ARL15: variants seen among roughly 807,000 people sequenced by gnomAD.
The protein encoded by ARL15 is ARF like GTPase 15.
A neutral mutation model predicts 25.2 loss-of-function variants in ARL15; 19 were observed. The ratio of observed to expected loss-of-function variants is 0.75; its 90% confidence interval spans 0.53 to 1.10. The LOEUF is 1.10. Ranked by LOEUF, ARL15 falls within the 50% of genes least tolerant of loss-of-function variation. The pLI is 0.00. For missense variants in ARL15, 220 were observed against 246.0 expected, an observed-to-expected ratio of 0.89 and a Z score of 0.71; for synonymous variants, 94 against 86.8, an observed-to-expected ratio of 1.08 and a Z score of -0.46.
intron 4 of ARL15, among the ~76,000 whole-genome samples, chr5:53,937,753 C>T (rs1477734356): frequency 6.6e-6 from 1 of 151,502 alleles, no homozygotes; most frequent in African/African-American, 2.4e-5. Context: ...AATCACCTAA[C>T]TGTATCAAAA....
At chr5:53,964,087 C>T (rs1161263175) in intron 4 of ARL15, among the ~76,000 whole-genome samples, 2 of 152,054 alleles carry the variant, frequency 1.3e-5, no homozygotes, top group East Asian at 1.9e-4. Context: ...ATACTGAAGC[C>T]TTTTTCCCCA....
At chr5:54,055,972 A>G (rs937848540) in intron 4 of ARL15, among the ~76,000 whole-genome samples, 1 of 152,168 alleles carries the variant, frequency 6.6e-6, no homozygotes, top group Non-Finnish European at 1.5e-5. Context: ...TTGACCAACT[A>G]TATCTACTCA....
At chr5:54,258,022 A>G (rs1757409665) in intron 1 of ARL15, among the ~76,000 whole-genome samples, 1 of 152,096 alleles carries the variant, frequency 6.6e-6, no homozygotes, top group Admixed American at 6.5e-5. Flanking sequence ...CTGAGCTCAA[A>G]GCACTTTATA....
chr5:53,925,992 T>C (rs1455057383), intron 4 of ARL15, among the ~76,000 whole-genome samples: 1 of 107,928 alleles, frequency 9.3e-6, no homozygotes, highest in African/African-American at 3.7e-5. Flanking sequence ...TAGTCTTTTT[T>C]CTTTCTTTTT....
chr5:54,081,563 C>T (rs1751796514), intron 4 of ARL15, among the ~76,000 whole-genome samples: 1 of 152,082 alleles, frequency 6.6e-6, no homozygotes, highest in South Asian at 2.1e-4. Context: ...GTGGTTTCCC[C>T]CATGCTCTTC....
chr5:54,035,259 G>A (rs1750133191), intron 4 of ARL15, among the ~76,000 whole-genome samples: 1 of 152,106 alleles, frequency 6.6e-6, no homozygotes, highest in Non-Finnish European at 1.5e-5. Context: ...AATCCCAGAT[G>A]TAGTTATGAT....
At chr5:54,260,650 T>G (rs1757478099) in intron 1 of ARL15, among the ~76,000 whole-genome samples, 1 of 152,192 alleles carries the variant, frequency 6.6e-6, no homozygotes, top group Non-Finnish European at 1.5e-5. Context: ...AAAAAATTCT[T>G]TATATAATGC....
At chr5:54,219,784 C>A (rs765683704) in intron 1 of ARL15, among the ~76,000 whole-genome samples, 9 of 152,138 alleles carry the variant, frequency 5.9e-5, no homozygotes, top group Non-Finnish European at 1.0e-4. Flanking sequence ...TTCCAAAAAT[C>A]ACAGAAATGT....
At chr5:54,095,675 A>G (rs1324479232) in intron 4 of ARL15, among the ~76,000 whole-genome samples, 2 of 152,176 alleles carry the variant, frequency 1.3e-5, no homozygotes, top group African/African-American at 4.8e-5. Context: ...CTAGAATACA[A>G]TAGCCACTCT....
At chr5:53,891,238 G>A (rs1320839281) in intron 4 of ARL15, among the ~76,000 whole-genome samples, 1 of 152,148 alleles carries the variant, frequency 6.6e-6, no homozygotes, top group African/African-American at 2.4e-5. Flanking sequence ...GGGGAGCAGG[G>A]GAACAGAACA....
intron 4 of ARL15, among the ~76,000 whole-genome samples, chr5:53,988,693 G>A (rs1748381381): frequency 6.6e-6 from 1 of 152,160 alleles, no homozygotes; most frequent in South Asian, 2.1e-4. Context: ...ATGGTAGACT[G>A]TAGCAAGAAC....
intron 1 of ARL15, among the ~76,000 whole-genome samples, chr5:54,232,255 G>A (rs1192118635): frequency 6.6e-6 from 1 of 152,132 alleles, no homozygotes; most frequent in Non-Finnish European, 1.5e-5. Context: ...TCCTTTACTA[G>A]ATTCTTGGCT....
chr5:54,158,898 G>A (rs896658041), intron 2 of ARL15, among the ~76,000 whole-genome samples: 3 of 151,794 alleles, frequency 2.0e-5, no homozygotes, highest in Non-Finnish European at 4.4e-5. Flanking sequence ...TGCTATATTC[G>A]AAACTTAAAA....
chr5:54,102,843 A>C (rs2112183338), intron 4 of ARL15, among the ~76,000 whole-genome samples: 1 of 152,314 alleles, frequency 6.6e-6, no homozygotes, highest in South Asian at 2.1e-4. Flanking sequence ...CAAATTCTAC[A>C]TGCTAAAATT....
intron 2 of ARL15, among the ~76,000 whole-genome samples, chr5:54,161,667 G>A (rs1169838096): frequency 6.6e-6 from 1 of 152,120 alleles, no homozygotes; most frequent in Non-Finnish European, 1.5e-5. Context: ...TGTAAGTGTG[G>A]TTGAATTCTC....
Position 54,151,642 on chromosome 5 carries a change from T to A in ARL15, c.253+2938A>T, listed in dbSNP as rs1219796244. On this transcript the variant is annotated intron_variant, in intron 3 of 4. Transcript: ENST00000504924. ...ACAGAAAATTGGTAAGAGGAAATAA[T>A]AATTTTTATAAGTAATATATATTCA... Among the ~76,000 whole-genome samples, 3 of 152,118 alleles carry A rather than the reference T, an allele frequency of 2.0e-5. No individual in the cohort carries two copies. The East Asian group carries it at 5.8e-4, about 29-fold the overall frequency.
chr5:53,939,186 G>A (rs929878309), intron 4 of ARL15, among the ~76,000 whole-genome samples: 1 of 152,172 alleles, frequency 6.6e-6, no homozygotes, highest in East Asian at 1.9e-4. Flanking sequence ...TGAGTGAAAA[G>A]GCAATTGTTC....
chr5:54,052,865 C>T lies in ARL15; in HGVS notation c.462+60337G>A, dbSNP rs74323028. On this transcript the variant is annotated intron_variant, in intron 4 of 4. Coordinates refer to ENST00000504924, the MANE Select transcript of ARL15 (RefSeq NM_019087.3). ...GGTTTCTGATTCCATTTTCCAATGA[C>T]CAGGGCTTCTTCAACAAAAGGCTGA... 4.7e-3 allele frequency among the ~76,000 whole-genome samples: 708 copies of T among 152,150 alleles called. 10 individuals carry two copies. The highest frequency in any genetic ancestry group is 0.016 in the African/African-American group (666 of 41,510).
intron 4 of ARL15, among the ~76,000 whole-genome samples, chr5:54,032,753 A>G (rs1247601039): frequency 6.6e-6 from 1 of 152,230 alleles, no homozygotes; most frequent in African/African-American, 2.4e-5. Context: ...TCAATCATGC[A>G]TAAAGCTACT....
Sources: allele counts gnomAD v4.1 joint callset (sites outside exome capture counted in the v4.1 genomes callset), GRCh38; gene constraint gnomAD v4.1.1; transcripts MANE v1.5; gene names NCBI Gene and HGNC (gene_info 2026-07-23, HGNC 2026-07-21).